The following RIC1 variants were observed in gnomAD, a reference collection of about 807,000 sequenced individuals.
The protein encoded by RIC1 is guanine nucleotide exchange factor subunit RIC1.
A neutral mutation model predicts 169.0 loss-of-function variants in RIC1; 88 were observed. The ratio of observed to expected loss-of-function variants is 0.52; its 90% confidence interval spans 0.44 to 0.62. RIC1 has a LOEUF of 0.62. Ranked by LOEUF, RIC1 falls within the 20% of genes least tolerant of loss-of-function variation. The pLI, the probability that RIC1 is intolerant of heterozygous loss-of-function variation, is 0.00. For missense variants in RIC1, 1,877 were observed against 1,725.5 expected, an observed-to-expected ratio of 1.09 and a Z score of -1.56; for synonymous variants, 790 against 601.5, an observed-to-expected ratio of 1.31 and a Z score of -4.59.
At chr9:5,678,526 T>G (rs1476156581) in intron 2 of RIC1, among the ~76,000 whole-genome samples, 2 of 151,652 alleles carry the variant, frequency 1.3e-5, no homozygotes, top group East Asian at 1.9e-4. Flanking sequence ...CCTGACTTTT[T>G]AATGATTGCC....
chr9:5,733,771 C>A (rs1200260887), intron 7 of RIC1, among the ~76,000 whole-genome samples: 1 of 151,694 alleles, frequency 6.6e-6, no homozygotes, highest in Non-Finnish European at 1.5e-5. Flanking sequence ...TGGATTCAGT[C>A]ATATTTTGTT....
intron 19 of RIC1, among the ~76,000 whole-genome samples, chr9:5,764,105 A>G (rs1016337743): frequency 6.6e-6 from 1 of 152,218 alleles, no homozygotes. Flanking sequence ...AGTTCAGAGT[A>G]GTGTTTTGAA....
downstream of RIC1, among the ~76,000 whole-genome samples, chr9:5,778,204 G>A (rs528612321): frequency 8.5e-4 from 130 of 152,236 alleles, no homozygotes; most frequent in Non-Finnish European, 1.6e-3. Context: ...AAAAAAAATG[G>A]AATTTCCTGT....
At chr9:5,750,494 G>C (rs575749923) in intron 12 of RIC1, among the ~76,000 whole-genome samples, 2 of 151,854 alleles carry the variant, frequency 1.3e-5, no homozygotes, top group Non-Finnish European at 2.9e-5. Context: ...TATGTATCAA[G>C]TGTACCAGGT....
chr9:5,682,993 G>A (rs1035563479), intron 2 of RIC1, among the ~76,000 whole-genome samples: 6 of 152,090 alleles, frequency 3.9e-5, no homozygotes, highest in East Asian at 1.9e-4. Flanking sequence ...CGTAGTTCTC[G>A]TGCCATGGGT....
chr9:5,674,761 C>T (rs905078541), intron 2 of RIC1, among the ~76,000 whole-genome samples: 3 of 152,200 alleles, frequency 2.0e-5, no homozygotes, highest in Non-Finnish European at 2.9e-5. Context: ...CTTCTCTCCC[C>T]TCCAGCCCAC....
intron 3 of RIC1, among the ~76,000 whole-genome samples, chr9:5,710,442 A>C (rs1822862687): frequency 6.6e-6 from 1 of 152,120 alleles, no homozygotes; most frequent in South Asian, 2.1e-4. Context: ...CTTCCTGGAG[A>C]AATGGAACCA....
At chr9:5,736,898 C>T (rs1037005135) in intron 7 of RIC1, among the ~76,000 whole-genome samples, 3 of 151,580 alleles carry the variant, frequency 2.0e-5, no homozygotes, top group Non-Finnish European at 2.9e-5. Context: ...TAGTTAGTCC[C>T]AGTTCTAATC....
chr9:5,766,374 T>TGG (rs954449620), intron 21 of RIC1, among the ~76,000 whole-genome samples: 1 of 152,184 alleles, frequency 6.6e-6, no homozygotes, highest in Non-Finnish European at 1.5e-5. Flanking sequence ...CATAAGTTAC[T>TGG]GGGGTCCAGG....
At chr9:5,695,407 G>A (rs964090947) in intron 3 of RIC1, among the ~76,000 whole-genome samples, 1 of 152,030 alleles carries the variant, frequency 6.6e-6, no homozygotes, top group Non-Finnish European at 1.5e-5. Context: ...GCACCACCGT[G>A]TATTTGAGTT....
intron 2 of RIC1, among the ~76,000 whole-genome samples, chr9:5,662,760 A>T (rs769588784): frequency 3.3e-5 from 5 of 151,934 alleles, no homozygotes; most frequent in Non-Finnish European, 7.4e-5. Flanking sequence ...CAGTCTATGT[A>T]TTCTATTAAT....
At chr9:5,769,956 G>GCCTTTGA (rs1827087040) in intron 22 of RIC1, 131 bp from the exon 23 acceptor site, 1 of 742,626 alleles carries the variant, frequency 1.3e-6, no homozygotes, top group East Asian at 2.7e-5. Context: ...TACAGTACAG[G>GCCTTTGA]ACAGTAATTG....
intron 2 of RIC1, among the ~76,000 whole-genome samples, chr9:5,684,398 A>G (rs576167813): frequency 4.0e-5 from 6 of 151,100 alleles, no homozygotes; most frequent in Admixed American, 3.3e-4. Context: ...TATCTTAGCA[A>G]TATAAACAAG....
intron 23 of RIC1, 89 bp downstream of exon 23, chr9:5,770,367 T>C: frequency 8.8e-7 from 1 of 1,141,292 alleles, no homozygotes; most frequent in Non-Finnish European, 1.2e-6. Context: ...TCATTCTTTT[T>C]CTATCGTGAT....
At chr9:5,735,705 G>A (rs1290157562) in intron 7 of RIC1, among the ~76,000 whole-genome samples, 1 of 152,198 alleles carries the variant, frequency 6.6e-6, no homozygotes, top group Non-Finnish European at 1.5e-5. Flanking sequence ...TTAGAGTTGT[G>A]TAAGAAGCCA....
chr9:5,660,593 C>G (rs757767055), intron 2 of RIC1, among the ~76,000 whole-genome samples: 16 of 152,124 alleles, frequency 1.1e-4, no homozygotes, highest in Non-Finnish European at 2.2e-4. Context: ...TTGAATTTCT[C>G]TAATAATCAG....
At position 5,642,004 on chromosome 9, in the gene RIC1, G is replaced by A. The variant is rs182160538; in HGVS notation, c.144+12551G>A. 7.8e-4 allele frequency among the ~76,000 whole-genome samples: 113 copies of A among 144,126 alleles called. 28 individuals carry two copies. Among genetic ancestry groups the A allele is most frequent in the African/African-American group, 3.1e-3 (108 of 35,038 alleles). The allele number at this position is 144,126 out of a possible 152,430, so 94.6% of individuals were successfully genotyped here. ...CTTGTAGATGTTCATTGGTGTGTAG[G>A]CATCAAAGAGGTAGGTATTTATTGT... On this transcript the variant is annotated intron_variant, in intron 1 of 25. Transcript: ENST00000414202.
rs1449472115 is a variant in RIC1 at position 5,629,130 on chromosome 9, G to A, written c.-180G>A. On this transcript the variant is annotated 5_prime_UTR_variant, in exon 1 of 26. Coordinates refer to ENST00000414202, the MANE Select transcript of RIC1 (RefSeq NM_020829.4). ...CCACACTCGGCCCCGTCAGCTTGGG[G>A]GTGCCTTCGTCGCGCAGCCTTGCGT... 1.1e-5 allele frequency: 5 copies of A among 441,324 alleles called. No homozygotes were observed. Among genetic ancestry groups the A allele is most frequent in the African/African-American group, 1.0e-4 (5 of 48,278 alleles). 27.3% of individuals were successfully genotyped at this position (441,324 alleles called of 1,614,324 possible). A position where few individuals can be genotyped will look rare whatever the true frequency, so the allele number is the denominator to read the frequency against.
chr9:5,648,124 A>G (rs1002664763), intron 1 of RIC1, among the ~76,000 whole-genome samples: 16 of 151,940 alleles, frequency 1.1e-4, no homozygotes, highest in African/African-American at 3.6e-4. Context: ...CTGGGATTAC[A>G]GGCGCCCGCC....
Sources: allele counts gnomAD v4.1 joint callset (sites outside exome capture counted in the v4.1 genomes callset), GRCh38; gene constraint gnomAD v4.1.1; transcripts MANE v1.5; gene names NCBI Gene and HGNC (gene_info 2026-07-23, HGNC 2026-07-21).